RANBP2: variants seen among roughly 807,000 people sequenced by gnomAD.
The protein encoded by RANBP2 is RAN binding protein 2, also known as E3 SUMO-protein ligase RanBP2.
RANBP2 carries 57 observed loss-of-function variants against 303.6 expected under a neutral mutation model. That is an observed-to-expected ratio of 0.19 (90% CI 0.15 to 0.23). The LOEUF is 0.23. Ranked by LOEUF, RANBP2 falls within the 10% of genes least tolerant of loss-of-function variation. The pLI is 1.00. For missense variants in RANBP2, 3,138 were observed against 3,780.8 expected, an observed-to-expected ratio of 0.83 and a Z score of 4.46; for synonymous variants, 1,167 against 1,301.5, an observed-to-expected ratio of 0.90 and a Z score of 2.23.
downstream of RANBP2, among the ~76,000 whole-genome samples, chr2:108,789,517 C>A (rs1373542088): frequency 2.0e-5 from 3 of 152,130 alleles, no homozygotes; most frequent in Non-Finnish European, 4.4e-5. Flanking sequence ...TCACTTGAAC[C>A]CGGGAGGTGG....
the RANBP2 span, among the ~76,000 whole-genome samples, chr2:108,862,398 A>C: frequency 6.6e-6 from 1 of 152,118 alleles, no homozygotes; most frequent in Non-Finnish European, 1.5e-5. Context: ...GTGTCAGTGG[A>C]CCTAACTCCA....
the RANBP2 span, among the ~76,000 whole-genome samples, chr2:109,014,092 C>T: frequency 6.6e-6 from 1 of 152,170 alleles, no homozygotes; most frequent in Non-Finnish European, 1.5e-5. Context: ...AACCAGCAAG[C>T]CTTTCAGCTC....
In RANBP2 at chr2:108,719,583, C is replaced by T. The variant is rs1370439990; in HGVS notation, c.-24C>T. Reference sequence around the variant, plus strand: ...GGGCCTGAGCGCTGGTCTCACGCGCCTCGGGAGCCAGGTTGGCGGCGCGAT... The same window carrying T: ...GGGCCTGAGCGCTGGTCTCACGCGCTTCGGGAGCCAGGTTGGCGGCGCGAT... On this transcript the variant is annotated 5_prime_UTR_variant, in exon 1 of 29. Coordinates refer to ENST00000283195, the MANE Select transcript of RANBP2 (RefSeq NM_006267.5). The T allele has an allele frequency of 3.1e-6, 5 of 1,596,172 alleles. No individual in the cohort carries two copies. The highest frequency in any genetic ancestry group is 2.3e-4 in the Middle Eastern group (1 of 4,440).
At chr2:109,721,527 T>G in the RANBP2 span, among the ~76,000 whole-genome samples, 2 of 152,002 alleles carry the variant, frequency 1.3e-5, no homozygotes, top group African/African-American at 4.8e-5. Context: ...CTTTTACTAG[T>G]CCATTTAAGG....
chr2:108,893,042 T>TA, the RANBP2 span, among the ~76,000 whole-genome samples: 1 of 152,202 alleles, frequency 6.6e-6, no homozygotes, highest in East Asian at 1.9e-4. Context: ...GTTCACAAAA[T>TA]AAAGAAAGAG....
chr2:109,339,797 C>G, the RANBP2 span, among the ~76,000 whole-genome samples: 12 of 152,318 alleles, frequency 7.9e-5, no homozygotes, highest in African/African-American at 2.4e-4. Flanking sequence ...CAATGCATCT[C>G]TGAATTGGAT....
intron 18 of RANBP2, among the ~76,000 whole-genome samples, chr2:108,761,473 C>T (rs1467832936): frequency 1.3e-5 from 2 of 152,178 alleles, no homozygotes; most frequent in African/African-American, 4.8e-5. Flanking sequence ...TTGCCATTAA[C>T]ATGGGTGCCT....
rs1676870297 is a variant in RANBP2, at chr2:108,763,314, A to G, written c.2775A>G (p.Pro925=). The part of the protein sequence containing the change: ...YAYPQQMHTP[P]VQSSSACMFS... The stretch of plus-strand genomic sequence containing the variant: ...ATCCGCAACAGATGCACACACCGCC[A>G]GTGCAAAGCTCATCTGCTTGTATGT... Residue 925 remains proline, a synonymous_variant, in exon 20 of 29, where the codon CCA becomes CCG. Transcript: ENST00000283195. The G allele has an allele frequency of 1.2e-6, 2 of 1,613,924 alleles. No homozygotes were observed. Among genetic ancestry groups the G allele is most frequent in the Non-Finnish European group, 1.7e-6 (2 of 1,179,984 alleles).
chr2:109,546,021 C>G, the RANBP2 span: 1 of 1,540,942 alleles, frequency 6.5e-7, no homozygotes, highest in African/African-American at 1.4e-5. Flanking sequence ...GTGGGCAGGG[C>G]TGCCAGGGAG....
the RANBP2 span, among the ~76,000 whole-genome samples, chr2:109,711,081 G>A: frequency 4.6e-5 from 7 of 151,908 alleles, no homozygotes; most frequent in Non-Finnish European, 4.4e-5. Flanking sequence ...GGTCTGCTGA[G>A]TTCCAGCTTC....
At chr2:108,804,753 C>A in the RANBP2 span, 1 of 654,346 alleles carries the variant, frequency 1.5e-6, no homozygotes, top group Non-Finnish European at 2.3e-6. Flanking sequence ...CCACACTAGT[C>A]ACTTGTGCTT....
At chr2:108,911,181 A>T in the RANBP2 span, 5 of 1,388,116 alleles carry the variant, frequency 3.6e-6, no homozygotes, top group East Asian at 1.2e-4. Context: ...GGATGCTTTC[A>T]GGGAACCCTG....
At chr2:109,593,428 C>T in the RANBP2 span, among the ~76,000 whole-genome samples, 1,711 of 53,346 alleles carry the variant, frequency 0.032, 20 homozygotes, top group Admixed American at 0.045. Flanking sequence ...TTTTTTGAGA[C>T]GGCATCTTGC....
the RANBP2 span, among the ~76,000 whole-genome samples, chr2:109,224,079 G>A: frequency 6.6e-6 from 1 of 152,188 alleles, no homozygotes; most frequent in African/African-American, 2.4e-5. Flanking sequence ...ATAGCTTCAG[G>A]GTTTACCTAG....
the RANBP2 span, among the ~76,000 whole-genome samples, chr2:109,712,419 T>C: frequency 6.6e-6 from 1 of 152,128 alleles, no homozygotes; most frequent in Admixed American, 6.6e-5. Context: ...TTTTCCACTA[T>C]AAAAAATTAT....
chr2:108,825,577 G>T, the RANBP2 span, among the ~76,000 whole-genome samples: 29 of 152,210 alleles, frequency 1.9e-4, no homozygotes, highest in African/African-American at 6.7e-4. Flanking sequence ...GTAGTGTTCC[G>T]TGGCTGACTC....
At chr2:108,799,327 G>A in the RANBP2 span, among the ~76,000 whole-genome samples, 1 of 152,120 alleles carries the variant, frequency 6.6e-6, no homozygotes, top group African/African-American at 2.4e-5. Context: ...AACTTACTTG[G>A]AGTAAAATTC....
chr2:109,545,009 A>G, the RANBP2 span: 1 of 985,470 alleles, frequency 1.0e-6, no homozygotes, highest in Non-Finnish European at 1.2e-6. Flanking sequence ...TTACTTCTCC[A>G]TATTTAAAAA....
chr2:109,032,995 C>T, the RANBP2 span, among the ~76,000 whole-genome samples: 1 of 152,196 alleles, frequency 6.6e-6, no homozygotes, highest in Non-Finnish European at 1.5e-5. Flanking sequence ...ATAAGTCCTT[C>T]CTGAACCCTT....
Sources: gnomAD v4.1 joint callset for allele counts (sites outside exome capture counted in the v4.1 genomes callset) on GRCh38, gnomAD v4.1.1 for gene constraint, MANE v1.5 for transcripts, NCBI Gene and HGNC (gene_info 2026-07-23, HGNC 2026-07-21) for gene names.